Variants in CCNY observed in about 807,000 individuals in gnomAD.
CCNY encodes the protein cyclin Y, also known as cyclin-Y.
Under a neutral mutation model 42.8 loss-of-function variants are expected in CCNY, and 19 were observed. The ratio of observed to expected loss-of-function variants is 0.44; its 90% confidence interval spans 0.31 to 0.65. The LOEUF (loss-of-function observed/expected upper bound fraction) is 0.65, where lower values mean the gene tolerates loss of function less well. Ranked by LOEUF, CCNY falls within the 30% of genes least tolerant of loss-of-function variation. CCNY has a pLI of 0.07. For synonymous variants in CCNY, 165 were observed against 162.7 expected (o/e 1.01, Z -0.11); for missense variants, 370 against 437.3 (o/e 0.85, Z 1.37).
chr10:35,488,973 T>G (rs572273485), intron 2 of CCNY, among the ~76,000 whole-genome samples: 1 of 152,358 alleles, frequency 6.6e-6, no homozygotes, highest in African/African-American at 2.4e-5. Flanking sequence ...CACTATCATA[T>G]TCTTTTCTAT....
chr10:35,265,496 G>A lies in CCNY; in HGVS notation c.-9+14870G>A, dbSNP rs189140616. Among the ~76,000 whole-genome samples the A allele has an allele frequency of 1.0e-3, 155 of 152,318 alleles. 1 individual carries two copies. The highest frequency in any genetic ancestry group is 3.4e-3 in the Admixed American group (52 of 15,296). On this transcript the variant is annotated intron_variant, in intron 3 of 11. Coordinates refer to the CCNY transcript ENST00000374706. ...TATTAAACTTCACTTTGCAACTTTG[G>A]TGCATAAATCAGTTACTTCTGTGGA... is the stretch of plus-strand genomic sequence containing the variant.
chr10:35,446,114 G>C (rs1245165266), intron 1 of CCNY, among the ~76,000 whole-genome samples: 1 of 152,110 alleles, frequency 6.6e-6, no homozygotes, highest in Non-Finnish European at 1.5e-5. Flanking sequence ...TTTGGGACTT[G>C]GACTGTACTG....
In CCNY at chr10:35,252,761, G is replaced by A. The variant is rs555098336; in HGVS notation, c.-9+2135G>A. On this transcript the variant is annotated intron_variant, in intron 3 of 11. Transcript: ENST00000374706. ...CTTGATATTGCTTATGGTTCCAACT[G>A]CATTGTTGTCATCCAAATGACTTTA... 2.0e-5 allele frequency among the ~76,000 whole-genome samples: 3 copies of A among 152,134 alleles called. No homozygotes were observed. In the South Asian group the frequency reaches 6.2e-4, roughly 32 times the overall value.
chr10:35,504,209 G>T (rs560915995), intron 3 of CCNY, among the ~76,000 whole-genome samples: 3 of 152,180 alleles, frequency 2.0e-5, no homozygotes, highest in African/African-American at 7.2e-5. Flanking sequence ...AAGACAAGGC[G>T]AGTGTTCACC....
intron 3 of CCNY, among the ~76,000 whole-genome samples, chr10:35,260,555 G>A (rs957552654): frequency 1.4e-4 from 21 of 152,204 alleles, no homozygotes; most frequent in African/African-American, 5.1e-4. Flanking sequence ...TTTAAATGCT[G>A]GCTGTGCATG....
At chr10:35,278,107 A>G (rs1476133516) in intron 3 of CCNY, among the ~76,000 whole-genome samples, 1 of 152,110 alleles carries the variant, frequency 6.6e-6, no homozygotes, top group East Asian at 1.9e-4. Context: ...GAGATGGATG[A>G]CGTCGGGAGA....
At chr10:35,535,333 G>C (rs142252641) in intron 7 of CCNY, among the ~76,000 whole-genome samples, 1 of 152,010 alleles carries the variant, frequency 6.6e-6, no homozygotes, top group Non-Finnish European at 1.5e-5. Flanking sequence ...CAAGGAGCAC[G>C]GCACCAGGGA....
At chr10:35,482,122 CCA>C (rs1839682927) in intron 1 of CCNY, among the ~76,000 whole-genome samples, 1 of 152,204 alleles carries the variant, frequency 6.6e-6, no homozygotes, top group South Asian at 2.1e-4. Context: ...AAAAAAATCA[CCA>C]CACTTCAGAA....
chr10:35,282,727 AAAAAAAAAAAG>A (rs1183400945), intron 3 of CCNY, among the ~76,000 whole-genome samples: 2 of 151,568 alleles, frequency 1.3e-5, no homozygotes, highest in Admixed American at 6.6e-5. Flanking sequence ...TCTCAAAAAA[AAAAAAAAAAAG>A]AAAAGAAAAG....
intron 3 of CCNY, among the ~76,000 whole-genome samples, chr10:35,301,932 C>A (rs1263701800): frequency 6.8e-6 from 1 of 146,270 alleles, no homozygotes; most frequent in Non-Finnish European, 1.5e-5. Flanking sequence ...CCCGCCCAGC[C>A]TTCATTGTTA....
intron 1 of CCNY, among the ~76,000 whole-genome samples, chr10:35,405,420 G>A (rs1564398543): frequency 6.6e-6 from 1 of 152,150 alleles, no homozygotes; most frequent in Admixed American, 6.5e-5. Context: ...GCAAAAGGTG[G>A]CAGTGAGGTA....
At chr10:35,497,741 A>G (rs2135386387) in intron 2 of CCNY, among the ~76,000 whole-genome samples, 1 of 152,102 alleles carries the variant, frequency 6.6e-6, no homozygotes, top group South Asian at 2.1e-4. Flanking sequence ...AAAAAAAAAA[A>G]AAAAAAAATT....
chr10:35,488,280 C>T (rs1424272897), intron 2 of CCNY, among the ~76,000 whole-genome samples: 2 of 152,212 alleles, frequency 1.3e-5, no homozygotes. Flanking sequence ...TATTCTGTGG[C>T]TGTCCTCATT....
At chr10:35,549,768 G>A (rs1232033464) in intron 7 of CCNY, among the ~76,000 whole-genome samples, 15 of 117,106 alleles carry the variant, frequency 1.3e-4, no homozygotes, top group East Asian at 7.8e-4. Context: ...GTGACCCTGC[G>A]CTGCTCATGA....
chr10:35,491,307 T>G (rs1839889879), intron 2 of CCNY, among the ~76,000 whole-genome samples: 1 of 152,202 alleles, frequency 6.6e-6, no homozygotes, highest in African/African-American at 2.4e-5. Flanking sequence ...CTTAGAAGAT[T>G]GCTCTCCTGA....
At chr10:35,523,288 C>T (rs895709981) in intron 4 of CCNY, among the ~76,000 whole-genome samples, 1 of 152,122 alleles carries the variant, frequency 6.6e-6, no homozygotes, top group Non-Finnish European at 1.5e-5. Flanking sequence ...CCACTTGGCC[C>T]ACTGTCTCAG....
chr10:35,296,931 G>C (rs1396411724), intron 3 of CCNY, among the ~76,000 whole-genome samples: 1 of 151,986 alleles, frequency 6.6e-6, no homozygotes, highest in African/African-American at 2.4e-5. Flanking sequence ...TGAGGGGAGG[G>C]TCTCCTCTCC....
At chr10:35,292,220 G>T (rs1327891507) in intron 3 of CCNY, among the ~76,000 whole-genome samples, 1 of 151,990 alleles carries the variant, frequency 6.6e-6, no homozygotes, top group Non-Finnish European at 1.5e-5. Flanking sequence ...TTTCATTATT[G>T]AGTTATAAGA....
intron 1 of CCNY, among the ~76,000 whole-genome samples, chr10:35,433,370 T>C (rs1014586253): frequency 4.6e-5 from 7 of 152,350 alleles, no homozygotes; most frequent in African/African-American, 1.7e-4. Flanking sequence ...ATTTATCTAA[T>C]AAAACCTCTA....
Sources: gnomAD v4.1 joint callset for allele counts (sites outside exome capture counted in the v4.1 genomes callset) on GRCh38, gnomAD v4.1.1 for gene constraint, MANE v1.5 for transcripts, NCBI Gene and HGNC (gene_info 2026-07-23, HGNC 2026-07-21) for gene names.